Variants in PIPOX observed in about 807,000 individuals in gnomAD.
PIPOX encodes peroxisomal sarcosine oxidase.
PIPOX carries 45 observed loss-of-function variants against 47.9 expected under a neutral mutation model. The ratio of observed to expected loss-of-function variants is 0.94; its 90% CI spans 0.74 to 1.20. PIPOX has a LOEUF of 1.20. PIPOX is among the 50% of genes most tolerant of loss of function. PIPOX has a pLI of 0.00. For synonymous variants in PIPOX, 165 were observed against 191.3 expected, an observed-to-expected ratio of 0.86 and a Z score of 1.13; for missense variants, 458 against 498.4, an observed-to-expected ratio of 0.92 and a Z score of 0.77.
rs1178856568 is a variant in PIPOX, at chr17:29,056,315, A to G, written c.*10A>G. The G allele has an allele frequency of 1.9e-6, 3 of 1,614,088 alleles. No individual in the cohort carries two copies. The African/African-American group carries it at 4.0e-5, about 22-fold the overall frequency. ...CAAAGCCCACCTTTGACCTCTGGCC[A>G]GAAGCCTCCCTTCTGTGCACAGGAG... On this transcript the variant is annotated 3_prime_UTR_variant, in exon 8 of 8. Transcript: ENST00000323372.
intron 2 of PIPOX, among the ~76,000 whole-genome samples, chr17:29,050,844 A>G (rs545619932): frequency 5.9e-5 from 9 of 151,670 alleles, no homozygotes; most frequent in Non-Finnish European, 1.2e-4. Flanking sequence ...AAAAAAAGAA[A>G]AAGAAAAAAA....
chr17:29,053,233 G>A, intron 3 of PIPOX, 100 bp downstream of exon 3: 2 of 1,297,600 alleles, frequency 1.5e-6, no homozygotes, highest in Non-Finnish European at 2.2e-6. Flanking sequence ...TGAGGCCTTT[G>A]CCCTGCAGGC....
In PIPOX at chr17:29,043,418, A is replaced by G. The variant is rs565867694; in HGVS notation, c.114+79A>G. 5.8e-6 allele frequency: 6 copies of G among 1,025,936 alleles called. No homozygotes were observed. In the South Asian group the frequency reaches 8.6e-5, roughly 15 times the overall value. The allele number at this position is 1,025,936 out of a possible 1,614,324, so 63.6% of individuals were successfully genotyped here. A position where few individuals can be genotyped will look rare whatever the true frequency, so the allele number is the denominator to read the frequency against. ...CTGCAGAAGGGTTTTCAGAGCCAGC[A>G]GGCTACAGGGCAAGGCCAAAGGGAC... On this transcript the variant is annotated intron_variant, in intron 1 of 7. Coordinates refer to ENST00000323372, the MANE Select transcript of PIPOX (RefSeq NM_016518.3).
intron 3 of PIPOX, 54 bp downstream of exon 3, chr17:29,053,187 G>A (rs1372285188): frequency 1.3e-5 from 20 of 1,543,590 alleles, no homozygotes; most frequent in Admixed American, 8.4e-5. Flanking sequence ...TGGGTGTCCT[G>A]GGTCCCAAGC....
chr17:29,052,594 C>T (rs371896406), intron 2 of PIPOX, among the ~76,000 whole-genome samples: 10 of 152,214 alleles, frequency 6.6e-5, no homozygotes, highest in African/African-American at 1.9e-4. Flanking sequence ...GGGGCTTGCT[C>T]TCTCATCCAG....
At chr17:29,053,782 G>T (rs995463341) in intron 4 of PIPOX, 187 bp downstream of exon 4, 1 of 475,020 alleles carries the variant, frequency 2.1e-6, no homozygotes, top group Non-Finnish European at 3.7e-6. Context: ...GGCTGTTGGA[G>T]AATTAAATTA....
intron 4 of PIPOX, among the ~76,000 whole-genome samples, 175 bp from the exon 5 acceptor site, chr17:29,054,370 A>G (rs1020600850): frequency 2.0e-5 from 3 of 152,198 alleles, no homozygotes; most frequent in African/African-American, 7.2e-5. Context: ...ATGTTTGTGC[A>G]TCATAACACA....
chr17:29,055,877 C>T lies in PIPOX; in HGVS notation c.1031C>T (p.Ala344Val), dbSNP rs777629327. The change falls in exon 7 of 8, where the codon GCT (alanine) becomes GTT (valine). Residue 344 changes from alanine (A) to valine (V), a missense_variant. Transcript: ENST00000323372. Reference sequence around the variant, plus strand: ...AAGTATGACAACATTGTCATTGGTGCTGGATTCTCTGGTGAGTCTGAGCTG... The same window carrying T: ...AAGTATGACAACATTGTCATTGGTGTTGGATTCTCTGGTGAGTCTGAGCTG... ...HPKYDNIVIG[A>V]GFSGHGFKLA... is the part of the protein sequence containing the mutation. The T allele has an allele frequency of 6.2e-7, 1 of 1,613,668 alleles. No homozygotes were observed. The highest frequency in any genetic ancestry group is 1.3e-5 in the African/African-American group (1 of 74,918).
In PIPOX at chr17:29,056,240, C is replaced by T. The variant is rs2065827725; in HGVS notation, c.1108C>T (p.Pro370Ser). 1 of 1,614,158 alleles carries T rather than the reference C, an allele frequency of 6.2e-7. No homozygotes were observed. The highest frequency in any genetic ancestry group is 8.5e-7 in the Non-Finnish European group (1 of 1,179,988). Reference sequence around the variant, plus strand: ...GTATGAATTAAGCATGAAATTAACACCATCTTATGACTTGGCACCTTTTCG... The same window carrying T: ...GTATGAATTAAGCATGAAATTAACATCATCTTATGACTTGGCACCTTTTCG... ...ILYELSMKLT[P>S]SYDLAPFRIS... The change falls in exon 8 of 8, where the codon CCA (proline) becomes TCA (serine). Residue 370 changes from proline to serine, a missense_variant. Physicochemically the swap from Pro to Ser is moderately conservative, Grantham distance 74. Coordinates refer to ENST00000323372, the MANE Select transcript of PIPOX (RefSeq NM_016518.3).
At chr17:29,053,825 C>T (rs1479452888) in intron 4 of PIPOX, among the ~76,000 whole-genome samples, 3 of 152,198 alleles carry the variant, frequency 2.0e-5, no homozygotes, top group Middle Eastern at 3.4e-3. Flanking sequence ...GCAGTTTTAC[C>T]GTTCAAAGTC....
At chr17:29,056,112 G>A in intron 7 of PIPOX, 63 bp from the exon 8 acceptor site, 1 of 1,596,962 alleles carries the variant, frequency 6.3e-7, no homozygotes. Context: ...GTAAGTAGGG[G>A]ATGTCCAGAG....
At chr17:29,048,512 T>C (rs2065793675) in intron 2 of PIPOX, among the ~76,000 whole-genome samples, 1 of 152,200 alleles carries the variant, frequency 6.6e-6, no homozygotes, top group African/African-American at 2.4e-5. Flanking sequence ...GTCTGAATCT[T>C]TTGTGATGTG....
chr17:29,043,970 C>T (rs1432478986), intron 1 of PIPOX, among the ~76,000 whole-genome samples: 6 of 152,194 alleles, frequency 3.9e-5, no homozygotes, highest in African/African-American at 9.6e-5. Flanking sequence ...CAGGGTCCTT[C>T]GAGGACAGGG....
Position 29,053,091 on chromosome 17 carries a change from C to T in PIPOX, c.435C>T (p.Ser145=), listed in dbSNP as rs373053963. ...GAGAAGTGGGGCTCTTGGACAATTC[C>T]GGAGGAGTTATCTATGCATATAAGG... ...PRGEVGLLDN[S]GGVIYAYKAL... Residue 145 remains serine (S), a synonymous_variant, in exon 3 of 8, where the codon TCC becomes TCT. Coordinates refer to ENST00000323372, the MANE Select transcript of PIPOX (RefSeq NM_016518.3). The T allele has an allele frequency of 4.4e-5, 71 of 1,614,182 alleles. No homozygotes were observed. Among genetic ancestry groups the T allele is most frequent in the South Asian group, 2.1e-4 (19 of 91,084 alleles).
At chr17:29,045,058 A>G (rs760023539) in intron 2 of PIPOX, 51 bp downstream of exon 2, 8 of 1,527,624 alleles carry the variant, frequency 5.2e-6, no homozygotes, top group Non-Finnish European at 7.0e-6. Context: ...ACCTGCAGGT[A>G]CTTTTAGTGT....
In PIPOX at chr17:29,053,439, AGTGC is replaced by A; in HGVS notation, c.508_511del (p.Arg170ThrfsTer8). On this transcript the variant is annotated frameshift_variant, in exon 4 of 8. Coordinates refer to ENST00000323372, the MANE Select transcript of PIPOX (RefSeq NM_016518.3). LOFTEE classifies it high-confidence loss of function. ...ATGCAATTCGACAGCTAGGAGGCAT[AGTGC>A]GTGACGGAGAGAAGGTGGTGGAGAT... 3 of 1,613,434 alleles carry A rather than the reference AGTGC, an allele frequency of 1.9e-6. No homozygotes were observed. Among genetic ancestry groups the A allele is most frequent in the Non-Finnish European group, 2.5e-6 (3 of 1,179,492 alleles).
At chr17:29,051,689 GC>G (rs2065806987) in intron 2 of PIPOX, among the ~76,000 whole-genome samples, 1 of 152,290 alleles carries the variant, frequency 6.6e-6, no homozygotes, top group South Asian at 2.1e-4. Flanking sequence ...GGGAGTAAAA[GC>G]ATAGAGGGAG....
At chr17:29,046,765 C>T (rs553708376) in intron 2 of PIPOX, 41 of 985,126 alleles carry the variant, frequency 4.2e-5, no homozygotes, top group East Asian at 2.3e-4. Flanking sequence ...GGAATTTGGA[C>T]GGGCTTTGGA....
At chr17:29,055,691 C>A in intron 6 of PIPOX, 122 bp from the exon 7 acceptor site, 1 of 846,390 alleles carries the variant, frequency 1.2e-6, no homozygotes, top group Non-Finnish European at 2.0e-6. Flanking sequence ...CGGAAAGCAT[C>A]CTTGTGCCTC....
Sources: gnomAD v4.1 joint callset for allele counts (sites outside exome capture counted in the v4.1 genomes callset) on GRCh38, gnomAD v4.1.1 for gene constraint, MANE v1.5 for transcripts, NCBI Gene and HGNC (gene_info 2026-07-23, HGNC 2026-07-21) for gene names.